PGAP2: variants seen among roughly 807,000 people sequenced by gnomAD.
PGAP2 encodes the protein acyltransferase PGAP2.
A neutral mutation model predicts 33.2 loss-of-function variants in PGAP2; 21 were observed. The ratio of observed to expected loss-of-function variants is 0.63; its 90% CI spans 0.45 to 0.91. The LOEUF (loss-of-function observed/expected upper bound fraction) is 0.91, where lower values mean the gene tolerates loss of function less well. PGAP2 is among the 40% of genes least tolerant of loss of function. PGAP2 has a pLI of 0.00. For missense variants in PGAP2, 345 were observed against 424.0 expected (o/e 0.81, Z 1.64); for synonymous variants, 161 against 172.9 (o/e 0.93, Z 0.54).
chr11:3,803,777 T>G (rs11827788), upstream of PGAP2, among the ~76,000 whole-genome samples: 686 of 145,126 alleles, frequency 4.7e-3, 7 homozygotes, highest in African/African-American at 0.017. Flanking sequence ...TTTAACGAAT[T>G]TACTGCTATA....
At chr11:3,804,317 C>T (rs1261367637), upstream of PGAP2, among the ~76,000 whole-genome samples, 1 of 152,018 alleles carries the variant, frequency 6.6e-6, no homozygotes, top group Non-Finnish European at 1.5e-5. Flanking sequence ...GATTTAATTG[C>T]TATCTGAGTC....
chr11:3,814,815 T>TCG (rs2086581903), intron 2 of PGAP2, among the ~76,000 whole-genome samples: 13 of 121,298 alleles, frequency 1.1e-4, no homozygotes, highest in African/African-American at 3.4e-4. Flanking sequence ...TTTCTTTCTC[T>TCG]TTCTTTCTTT....
rs150784931 is a variant in PGAP2, at chr11:3,802,273, G to A, written c.139+4291G>A. 8.5e-4 allele frequency among the ~76,000 whole-genome samples: 129 copies of A among 152,232 alleles called. 1 individual carries two copies. The highest frequency in any genetic ancestry group is 3.0e-3 in the African/African-American group (125 of 41,550). On this transcript the variant is annotated intron_variant, in intron 1 of 6. Coordinates refer to the PGAP2 transcript ENST00000300730. ...TGACTTTGGTGATTTCTAAAGATAC[G>A]TTGTTGGGTACTTTGGTAGGCAAGT...
chr11:3,801,804 G>A lies in PGAP2; in HGVS notation c.139+3822G>A, dbSNP rs556253834. Among the ~76,000 whole-genome samples, 584 of 151,974 alleles carry A rather than the reference G, an allele frequency of 3.8e-3. 1 individual carries two copies. The highest frequency in any genetic ancestry group is 0.013 in the African/African-American group (537 of 41,468). Reference sequence around the variant, plus strand: ...TACTAAAAATAAAAAAATTAGCCAGGCATAGTTGCCCACGCCTGTAATCCC... The same window carrying A: ...TACTAAAAATAAAAAAATTAGCCAGACATAGTTGCCCACGCCTGTAATCCC... On this transcript the variant is annotated intron_variant, in intron 1 of 6. Transcript: ENST00000300730.
chr11:3,822,944 T>C, intron 3 of PGAP2: 1 of 1,543,734 alleles, frequency 6.5e-7, no homozygotes, highest in Non-Finnish European at 8.8e-7. Context: ...GGCATTAAGA[T>C]GGATGGTGGA....
At chr11:3,798,853 G>A (rs2134066123) in intron 1 of PGAP2, among the ~76,000 whole-genome samples, 1 of 151,518 alleles carries the variant, frequency 6.6e-6, no homozygotes, top group Non-Finnish European at 1.5e-5. Context: ...ATGTTGGCCA[G>A]GCTGGTCTCG....
chr11:3,809,524 G>T (rs1023432827), intron 1 of PGAP2, among the ~76,000 whole-genome samples: 1 of 152,198 alleles, frequency 6.6e-6, no homozygotes, highest in Non-Finnish European at 1.5e-5. Flanking sequence ...TTCATTCCCT[G>T]AAGATCTAGT....
intron 3 of PGAP2, chr11:3,823,037 T>C (rs894571581): frequency 1.5e-4 from 70 of 459,230 alleles, no homozygotes; most frequent in African/African-American, 1.8e-4. Flanking sequence ...TTTTTTTTTT[T>C]TTTTTTTTTT....
intron 5 of PGAP2, 92 bp downstream of exon 5, chr11:3,824,468 C>T (rs750687197): frequency 3.5e-5 from 56 of 1,600,802 alleles, no homozygotes; most frequent in Non-Finnish European, 4.7e-5. Context: ...GAGGTGGGAA[C>T]TGAGTTCTAA....
At chr11:3,810,827 T>C (rs1330992892) in intron 1 of PGAP2, among the ~76,000 whole-genome samples, 1 of 152,152 alleles carries the variant, frequency 6.6e-6, no homozygotes, top group Non-Finnish European at 1.5e-5. Flanking sequence ...CCTTGAAGCC[T>C]GGAGGCTGGG....
intron 2 of PGAP2, among the ~76,000 whole-genome samples, chr11:3,815,189 C>T (rs190606162): frequency 7.2e-5 from 11 of 152,152 alleles, no homozygotes; most frequent in Admixed American, 2.6e-4. Context: ...ACTTACTTTC[C>T]GGTGAGTCTC....
chr11:3,824,025 C>T lies in PGAP2; in HGVS notation c.491C>T (p.Thr164Ile), dbSNP rs587776970. 3 of 1,614,182 alleles carry T rather than the reference C, an allele frequency of 1.9e-6. No individual in the cohort carries two copies. Among genetic ancestry groups the T allele is most frequent in the South Asian group, 1.1e-5 (1 of 91,088 alleles). The change falls in exon 4 of 7, where the codon ACC becomes ATC. Residue 164 changes from threonine (T) to isoleucine (I), a missense_variant. Transcript: ENST00000278243. The part of the protein sequence containing the change: ...FAYWNHYLSC[T>I]SPCSCYRPLC... Reference sequence around the variant, plus strand: ...TACTGGAACCACTACCTCAGCTGCACCTCCCCGTGTTCCTGCTATCGCCCG... The same window carrying T: ...TACTGGAACCACTACCTCAGCTGCATCTCCCCGTGTTCCTGCTATCGCCCG...
At position 3,819,308 on chromosome 11, in the gene PGAP2, G is replaced by T. The variant is rs142830023; in HGVS notation, c.348+1773G>T. ...AGAAGACCACTCTAGCTTCTGAGTGGAGAACAGCTTTAAGGTCAGGGGCAA... is the reference window on the plus strand; with the variant it reads ...AGAAGACCACTCTAGCTTCTGAGTGTAGAACAGCTTTAAGGTCAGGGGCAA... On this transcript the variant is annotated intron_variant, in intron 3 of 6. Transcript: ENST00000278243. 6.4e-3 allele frequency among the ~76,000 whole-genome samples: 973 copies of T among 152,230 alleles called. 16 individuals are homozygous for T. Among genetic ancestry groups the T allele is most frequent in the African/African-American group, 0.023 (937 of 41,518 alleles).
intron 1 of PGAP2, among the ~76,000 whole-genome samples, chr11:3,802,131 G>C (rs1194310658): frequency 2.1e-5 from 3 of 141,018 alleles, no homozygotes; most frequent in African/African-American, 7.8e-5. Flanking sequence ...GAATGAGTAA[G>C]CAAATGAGTA....
chr11:3,808,314 A>C, upstream of PGAP2: 3 of 1,551,494 alleles, frequency 1.9e-6, no homozygotes, highest in Non-Finnish European at 2.6e-6. Flanking sequence ...CGCAGCTGAG[A>C]GGTAAGGCGA....
chr11:3,798,635 ATT>A lies in PGAP2; in HGVS notation c.139+669_139+670del, dbSNP rs35252971. 2.8e-3 allele frequency among the ~76,000 whole-genome samples: 368 copies of A among 131,288 alleles called. 1 individual carries two copies. The highest frequency in any genetic ancestry group is 5.5e-3 in the African/African-American group (188 of 34,478). The allele number at this position is 131,288 out of a possible 152,430, so 86.1% of individuals were successfully genotyped here. A position where few individuals can be genotyped will look rare whatever the true frequency, so the allele number is the denominator to read the frequency against. On this transcript the variant is annotated intron_variant, in intron 1 of 6. Coordinates refer to the PGAP2 transcript ENST00000300730. ...CGTGAGCCACCTCGCCCATGAACTA[ATT>A]TTTTTTTTTTTTTTTGAGATGGAGT...
upstream of PGAP2, among the ~76,000 whole-genome samples, chr11:3,807,415 C>A (rs1385654146): frequency 1.4e-5 from 2 of 148,048 alleles, no homozygotes; most frequent in African/African-American, 5.0e-5. Flanking sequence ...TCAAGCGATT[C>A]TCCTGCCTCA....
At chr11:3,808,504 C>G (rs2134269736), upstream of PGAP2, 2 of 1,403,510 alleles carry the variant, frequency 1.4e-6, no homozygotes, top group Admixed American at 3.0e-5. Flanking sequence ...AGCGGAGGAT[C>G]TGGGCGCAGT....
chr11:3,823,673 G>C, intron 3 of PGAP2: 4 of 1,561,400 alleles, frequency 2.6e-6, no homozygotes, highest in Non-Finnish European at 3.4e-6. Context: ...ACAAATCCCA[G>C]GATAGCTGGG....
Sources: gnomAD v4.1 joint callset for allele counts (sites outside exome capture counted in the v4.1 genomes callset) on GRCh38, gnomAD v4.1.1 for gene constraint, MANE v1.5 for transcripts, NCBI Gene and HGNC (gene_info 2026-07-23, HGNC 2026-07-21) for gene names.